CCDC141: variants seen among roughly 807,000 people sequenced by gnomAD.
CCDC141 encodes the protein coiled-coil domain-containing protein 141.
In CCDC141, 168 loss-of-function variants were observed where a neutral mutation model predicts 181.0. That is an observed-to-expected ratio of 0.93 (90% CI 0.82 to 1.05). The LOEUF (loss-of-function observed/expected upper bound fraction) is 1.05. CCDC141 is among the 50% of genes least tolerant of loss of function. The pLI is 0.00. For synonymous variants in CCDC141, 666 were observed against 642.3 expected (o/e 1.04, Z -0.56); for missense variants, 1,902 against 1,788.5 (o/e 1.06, Z -1.14).
intron 4 of CCDC141, among the ~76,000 whole-genome samples, chr2:178,968,907 C>T (rs1327605132): frequency 6.6e-6 from 1 of 151,842 alleles, no homozygotes; most frequent in East Asian, 1.9e-4. Context: ...GGCATATCAC[C>T]ACTGATCCCA....
the CCDC141 span, among the ~76,000 whole-genome samples, chr2:178,821,183 A>G: frequency 6.6e-6 from 1 of 152,170 alleles, no homozygotes; most frequent in East Asian, 1.9e-4. Flanking sequence ...TTGGGGGTGA[A>G]TAAGAGCCTG....
intron 2 of CCDC141, among the ~76,000 whole-genome samples, chr2:178,993,698 T>C (rs554599040): frequency 6.6e-6 from 1 of 152,104 alleles, no homozygotes. Context: ...AAGTCCACAG[T>C]CTAAAGTCTC....
At chr2:178,875,583 G>GGAAAGAAAGAAA (rs540702929) in intron 12 of CCDC141, 1 of 151,622 alleles carries the variant, frequency 6.6e-6, no homozygotes, top group African/African-American at 2.4e-5. Flanking sequence ...AGAAAAGAAA[G>GGAAAGAAAGAAA]GAAAGAAAGA....
chr2:178,892,352 T>A (rs1286208170), intron 8 of CCDC141, among the ~76,000 whole-genome samples: 1 of 152,070 alleles, frequency 6.6e-6, no homozygotes, highest in Non-Finnish European at 1.5e-5. Flanking sequence ...GGAAGAGAAG[T>A]TTTCATTCAT....
intron 8 of CCDC141, among the ~76,000 whole-genome samples, chr2:178,899,487 C>A (rs989135970): frequency 6.6e-6 from 1 of 152,108 alleles, no homozygotes; most frequent in Non-Finnish European, 1.5e-5. Context: ...TTTAAAAAAA[C>A]TCTATAAAAT....
At chr2:178,868,406 A>G (rs1685949755) in intron 15 of CCDC141, among the ~76,000 whole-genome samples, 1 of 152,182 alleles carries the variant, frequency 6.6e-6, no homozygotes. Context: ...TGTCAGTTCC[A>G]TTAAAGAAGG....
At chr2:178,881,474 G>C (rs1335420285) in intron 11 of CCDC141, among the ~76,000 whole-genome samples, 1 of 152,174 alleles carries the variant, frequency 6.6e-6, no homozygotes, top group Non-Finnish European at 1.5e-5. Context: ...GGGTAACTGG[G>C]TCAAATAAAT....
At chr2:178,970,152 C>T (rs890408614) in intron 4 of CCDC141, among the ~76,000 whole-genome samples, 2 of 152,204 alleles carry the variant, frequency 1.3e-5, no homozygotes, top group African/African-American at 4.8e-5. Flanking sequence ...ACATCCCATG[C>T]TCACGGATAG....
intron 5 of CCDC141, among the ~76,000 whole-genome samples, chr2:178,955,089 A>G (rs1314420530): frequency 6.6e-6 from 1 of 152,126 alleles, no homozygotes; most frequent in African/African-American, 2.4e-5. Context: ...GTTCAAGACC[A>G]TCCTGGGCAA....
At chr2:178,935,006 T>G (rs1339801197) in intron 6 of CCDC141, among the ~76,000 whole-genome samples, 1 of 152,190 alleles carries the variant, frequency 6.6e-6, no homozygotes, top group Non-Finnish European at 1.5e-5. Flanking sequence ...GAAATTAGAT[T>G]GTTGAAAAAC....
At chr2:178,983,731 T>C (rs1691563778) in intron 2 of CCDC141, among the ~76,000 whole-genome samples, 1 of 151,484 alleles carries the variant, frequency 6.6e-6, no homozygotes, top group African/African-American at 2.4e-5. Context: ...GAAGATGAAA[T>C]CAATGAAATG....
intron 3 of CCDC141, among the ~76,000 whole-genome samples, chr2:178,975,883 A>T (rs1691096404): frequency 6.6e-6 from 1 of 152,188 alleles, no homozygotes; most frequent in Admixed American, 6.5e-5. Flanking sequence ...ATTTTTATCA[A>T]TAATTTGTAT....
Position 178,830,192 on chromosome 2 carries a change from A to G in CCDC141, c.*3981T>C, listed in dbSNP as rs1684198599. ...TTATGCCTAAGTACATATGTTTTAA[A>G]ATGTTGGAACACTTTAAAATGTTGG... On this transcript the variant is annotated 3_prime_UTR_variant, in exon 24 of 24. Transcript: ENST00000443758. 6.6e-6 allele frequency: 1 copy of G among 152,242 alleles called. No individual in the cohort carries two copies. Among genetic ancestry groups the G allele is most frequent in the Non-Finnish European group, 1.5e-5 (1 of 68,044 alleles). The allele number at this position is 152,242 out of a possible 1,614,324, so 9.4% of individuals were successfully genotyped here.
At chr2:178,927,904 C>T (rs1401358758) in intron 6 of CCDC141, among the ~76,000 whole-genome samples, 9 of 151,946 alleles carry the variant, frequency 5.9e-5, no homozygotes, top group Admixed American at 1.3e-4. Context: ...TGTGACTAGG[C>T]GACTTTGAGG....
chr2:179,047,986 T>G (rs889103215), intron 1 of CCDC141, among the ~76,000 whole-genome samples: 1 of 152,220 alleles, frequency 6.6e-6, no homozygotes, highest in Admixed American at 6.5e-5. Flanking sequence ...GAATATTCAT[T>G]AAAGCGTGTA....
chr2:179,015,494 G>C lies in CCDC141; in HGVS notation c.225+31790C>G, dbSNP rs370622166. ...TATATGTGCCATATATATCATATAT[G>C]TGCCATATATATCATATATGTATCA... is the stretch of plus-strand genomic sequence containing the variant. On this transcript the variant is annotated intron_variant, in intron 2 of 23. Coordinates refer to ENST00000443758, the MANE Select transcript of CCDC141 (RefSeq NM_173648.4). 8.3e-4 allele frequency among the ~76,000 whole-genome samples: 40 copies of C among 48,256 alleles called. 2 individuals carry two copies. The East Asian group carries it at 0.025, about 30-fold the overall frequency. The allele number at this position is 48,256 out of a possible 152,430, so 31.7% of individuals were successfully genotyped here.
intron 21 of CCDC141, among the ~76,000 whole-genome samples, chr2:178,847,667 A>T (rs960043431): frequency 2.0e-5 from 3 of 152,202 alleles, no homozygotes; most frequent in Non-Finnish European, 2.9e-5. Context: ...CAGCAGTTAT[A>T]TGTGATGTAA....
In CCDC141 at chr2:178,878,668, AAGATT is replaced by A. The variant is rs1686461395; in HGVS notation, c.1720-530_1720-526del. Among the ~76,000 whole-genome samples, 3 of 152,226 alleles carry A rather than the reference AAGATT, an allele frequency of 2.0e-5. 1 individual carries two copies. Among genetic ancestry groups the A allele is most frequent in the African/African-American group, 7.2e-5 (3 of 41,544 alleles). On this transcript the variant is annotated intron_variant, in intron 11 of 23. Coordinates refer to ENST00000443758, the MANE Select transcript of CCDC141 (RefSeq NM_173648.4). ...TATTGAATATTTTCAACTTATTGAA[AAGATT>A]CAAAAAATCTATTTGGATTGTTGAT...
intron 2 of CCDC141, among the ~76,000 whole-genome samples, chr2:179,004,052 GTC>G (rs1442587723): frequency 6.6e-6 from 1 of 152,108 alleles, no homozygotes; most frequent in Non-Finnish European, 1.5e-5. Flanking sequence ...CTTGGCAAAA[GTC>G]TACATTGTAT....
Sources: gnomAD v4.1 joint callset for allele counts (sites outside exome capture counted in the v4.1 genomes callset) on GRCh38, gnomAD v4.1.1 for gene constraint, MANE v1.5 for transcripts, NCBI Gene and HGNC (gene_info 2026-07-23, HGNC 2026-07-21) for gene names.